Variants in CMSS1 observed in about 807,000 individuals in gnomAD.
CMSS1 encodes the protein protein CMSS1.
CMSS1 carries 33 observed loss-of-function variants against 43.5 expected under a neutral mutation model. The ratio of observed to expected loss-of-function variants is 0.76; its 90% CI spans 0.57 to 1.01. The LOEUF (loss-of-function observed/expected upper bound fraction) is 1.01. Ranked by LOEUF, CMSS1 falls within the 50% of genes least tolerant of loss-of-function variation. The pLI, the probability that CMSS1 is intolerant of heterozygous loss-of-function variation, is 0.00. For synonymous variants in CMSS1, 115 were observed against 117.2 expected, an observed-to-expected ratio of 0.98 and a Z score of 0.12; for missense variants, 313 against 326.4, an observed-to-expected ratio of 0.96 and a Z score of 0.32.
chr3:100,017,345 G>A (rs1031194303), intron 1 of CMSS1, among the ~76,000 whole-genome samples: 7 of 152,124 alleles, frequency 4.6e-5, no homozygotes, highest in South Asian at 2.1e-4. Context: ...GAGATTTGTA[G>A]CACCTCCTGA....
intron 1 of CMSS1, among the ~76,000 whole-genome samples, chr3:100,068,379 T>A (rs1294462066): frequency 6.6e-6 from 1 of 151,144 alleles, no homozygotes; most frequent in Non-Finnish European, 1.5e-5. Context: ...TGTGTGTGTG[T>A]GTGTCAGAGA....
At chr3:99,947,554 C>T (rs527751268) in intron 1 of CMSS1, among the ~76,000 whole-genome samples, 2 of 152,316 alleles carry the variant, frequency 1.3e-5, no homozygotes, top group Admixed American at 6.5e-5. Context: ...CTTCACAAAA[C>T]TGGCAGGAGT....
At chr3:99,848,119 A>T in intron 1 of CMSS1, 1 of 1,465,826 alleles carries the variant, frequency 6.8e-7, no homozygotes, top group East Asian at 2.4e-5. Flanking sequence ...ATGACTATGC[A>T]GGCAACAGTT....
At chr3:100,159,802 C>A (rs1390124012) in intron 2 of CMSS1, 1 of 427,600 alleles carries the variant, frequency 2.3e-6, no homozygotes, top group Non-Finnish European at 4.8e-6. Flanking sequence ...AGGCAACAGG[C>A]AAAACAGATT....
intron 1 of CMSS1, among the ~76,000 whole-genome samples, chr3:99,997,936 A>G (rs1709730169): frequency 6.6e-6 from 1 of 152,250 alleles, no homozygotes. Flanking sequence ...TAGGATTTCT[A>G]CATCAAGAAT....
chr3:100,069,600 G>A (rs2065726518), intron 1 of CMSS1, among the ~76,000 whole-genome samples: 1 of 152,098 alleles, frequency 6.6e-6, no homozygotes, highest in Admixed American at 6.5e-5. Flanking sequence ...GTCTCCTGAG[G>A]CACCAGACAG....
intron 2 of CMSS1, among the ~76,000 whole-genome samples, chr3:100,160,088 T>G (rs1159830751): frequency 1.3e-5 from 2 of 152,222 alleles, no homozygotes; most frequent in South Asian, 2.1e-4. Context: ...TTAATTTTAA[T>G]CACATCGATT....
intron 1 of CMSS1, among the ~76,000 whole-genome samples, chr3:99,821,270 C>T (rs1036616796): frequency 2.0e-5 from 3 of 152,154 alleles, no homozygotes; most frequent in Non-Finnish European, 4.4e-5. Context: ...TGTGTGTATG[C>T]GTGTTACCTG....
intron 1 of CMSS1, among the ~76,000 whole-genome samples, chr3:99,934,998 G>A (rs1707615528): frequency 1.3e-5 from 2 of 152,086 alleles, no homozygotes; most frequent in South Asian, 4.1e-4. Context: ...GTCTACTGAG[G>A]AGCATGTGTC....
intron 1 of CMSS1, among the ~76,000 whole-genome samples, chr3:99,926,873 G>A (rs1428581817): frequency 6.6e-6 from 1 of 152,160 alleles, no homozygotes; most frequent in Non-Finnish European, 1.5e-5. Context: ...AGGAATCCGT[G>A]CCCTTCATTT....
At chr3:99,948,992 T>C (rs903498759) in intron 1 of CMSS1, among the ~76,000 whole-genome samples, 5 of 152,210 alleles carry the variant, frequency 3.3e-5, no homozygotes, top group Admixed American at 2.6e-4. Context: ...TGGCCAATTC[T>C]TTCAAGATAT....
intron 1 of CMSS1, among the ~76,000 whole-genome samples, chr3:99,893,667 T>C (rs1199422415): frequency 6.6e-6 from 1 of 152,238 alleles, no homozygotes; most frequent in African/African-American, 2.4e-5. Context: ...CCTTTAAAGT[T>C]AGCTATTTTA....
chr3:99,932,923 A>G (rs1707532350), intron 1 of CMSS1, among the ~76,000 whole-genome samples: 1 of 152,170 alleles, frequency 6.6e-6, no homozygotes, highest in Non-Finnish European at 1.5e-5. Flanking sequence ...CTTCAGGTCC[A>G]ATGACCTGAT....
intron 1 of CMSS1, among the ~76,000 whole-genome samples, chr3:99,997,978 A>G (rs1286217839): frequency 6.6e-6 from 1 of 152,236 alleles, no homozygotes; most frequent in East Asian, 1.9e-4. Flanking sequence ...TATTCAGAAG[A>G]GTCATTTCAG....
intron 2 of CMSS1, among the ~76,000 whole-genome samples, chr3:100,147,728 C>T (rs2066866072): frequency 6.6e-6 from 1 of 152,158 alleles, no homozygotes; most frequent in Admixed American, 6.5e-5. Flanking sequence ...CACTAGAGTG[C>T]ATGATTACAG....
At chr3:99,880,710 A>G (rs1705697375) in intron 1 of CMSS1, among the ~76,000 whole-genome samples, 2 of 152,096 alleles carry the variant, frequency 1.3e-5, no homozygotes, top group Admixed American at 1.3e-4. Flanking sequence ...TTTTAAAATT[A>G]ATAGGCACCC....
intron 1 of CMSS1, among the ~76,000 whole-genome samples, chr3:99,914,241 A>T (rs981052650): frequency 2.6e-5 from 4 of 152,228 alleles, no homozygotes; most frequent in Non-Finnish European, 4.4e-5. Flanking sequence ...TATAGGATAT[A>T]TGAAGGAGGA....
intron 1 of CMSS1, among the ~76,000 whole-genome samples, chr3:100,008,015 A>T (rs1710037957): frequency 6.6e-6 from 1 of 152,168 alleles, no homozygotes; most frequent in Non-Finnish European, 1.5e-5. Context: ...TCCCCAGCAC[A>T]ACCTTGCCTG....
At chr3:99,931,099 C>G (rs937312708) in intron 1 of CMSS1, 3 of 1,280,196 alleles carry the variant, frequency 2.3e-6, no homozygotes, top group Non-Finnish European at 3.3e-6. Flanking sequence ...CCTATTACTG[C>G]TTTAACAAGT....
Sources: allele counts gnomAD v4.1 joint callset (sites outside exome capture counted in the v4.1 genomes callset), GRCh38; gene constraint gnomAD v4.1.1; transcripts MANE v1.5; gene names NCBI Gene and HGNC (gene_info 2026-07-23, HGNC 2026-07-21).